Variants in PRKCE observed in about 807,000 individuals in gnomAD.
PRKCE encodes protein kinase C epsilon, also known as protein kinase C epsilon type.
A neutral mutation model predicts 85.4 loss-of-function variants in PRKCE; 16 were observed. That is an observed-to-expected ratio of 0.19 (90% CI 0.13 to 0.28). The LOEUF is 0.28. Ranked by LOEUF, PRKCE falls within the 10% of genes least tolerant of loss-of-function variation. The pLI, the probability that PRKCE is intolerant of heterozygous loss-of-function variation, is 1.00. For synonymous variants in PRKCE, 388 were observed against 371.5 expected, an observed-to-expected ratio of 1.04 and a Z score of -0.51; for missense variants, 573 against 975.2, an observed-to-expected ratio of 0.59 and a Z score of 5.49.
chr2:45,961,985 G>A (rs1173897074), intron 2 of PRKCE, among the ~76,000 whole-genome samples: 8 of 152,148 alleles, frequency 5.3e-5, no homozygotes, highest in Admixed American at 2.6e-4. Context: ...GTGAACCACC[G>A]CGCCCGGCTG....
chr2:45,662,858 T>C (rs1675736697), intron 1 of PRKCE, among the ~76,000 whole-genome samples: 2 of 118,146 alleles, frequency 1.7e-5, no homozygotes, highest in Admixed American at 1.9e-4. Context: ...AAGAGTACTC[T>C]GAAAACAAGC....
At chr2:45,889,265 C>T (rs970237627) in intron 2 of PRKCE, among the ~76,000 whole-genome samples, 7 of 151,878 alleles carry the variant, frequency 4.6e-5, no homozygotes, top group Non-Finnish European at 8.8e-5. Context: ...GTATGGAGGG[C>T]GGGAGAAAGC....
chr2:45,772,895 T>G (rs1040123986), intron 1 of PRKCE, among the ~76,000 whole-genome samples: 1 of 152,126 alleles, frequency 6.6e-6, no homozygotes, highest in African/African-American at 2.4e-5. Context: ...GACACCCTAT[T>G]GAGCCCCTGT....
chr2:45,958,190 C>CAAAAAAAAAA (rs60711691), intron 2 of PRKCE, among the ~76,000 whole-genome samples: 1 of 110,108 alleles, frequency 9.1e-6, no homozygotes, highest in Non-Finnish European at 1.8e-5. Flanking sequence ...ATTAGGCCCG[C>CAAAAAAAAAA]AAAAAAAAAA....
At chr2:45,973,021 A>C (rs1010215325) in intron 2 of PRKCE, among the ~76,000 whole-genome samples, 1 of 152,240 alleles carries the variant, frequency 6.6e-6, no homozygotes, top group African/African-American at 2.4e-5. Flanking sequence ...AAAATTCAGC[A>C]ATTAAAACAG....
rs1669652769 is a variant in PRKCE at position 46,086,508 on chromosome 2, T to G, written c.1592+146T>G. 2.4e-5 allele frequency: 22 copies of G among 908,434 alleles called. No individual in the cohort carries two copies. In the South Asian group the frequency reaches 3.1e-4, roughly 13 times the overall value. The allele number at this position is 908,434 out of a possible 1,614,324, so 56.3% of individuals were successfully genotyped here. Reference sequence around the variant, plus strand: ...TGTTCCAATTTGCTTACAGAAGACTTTTTTGGGGGCTGTTTATTCCTGTGA... The same window carrying G: ...TGTTCCAATTTGCTTACAGAAGACTGTTTTGGGGGCTGTTTATTCCTGTGA... On this transcript the variant is annotated intron_variant, in intron 11 of 14. Coordinates refer to ENST00000306156, the MANE Select transcript of PRKCE (RefSeq NM_005400.3).
At chr2:46,179,150 C>T (rs1218228013) in intron 14 of PRKCE, among the ~76,000 whole-genome samples, 1 of 152,158 alleles carries the variant, frequency 6.6e-6, no homozygotes, top group Non-Finnish European at 1.5e-5. Flanking sequence ...TAGCCCTATG[C>T]CCCAGCCTGT....
chr2:46,084,267 T>C (rs1427052580), intron 10 of PRKCE, among the ~76,000 whole-genome samples: 1 of 152,204 alleles, frequency 6.6e-6, no homozygotes. Flanking sequence ...GTAGTTTGAA[T>C]TAGTAACAAT....
intron 1 of PRKCE, among the ~76,000 whole-genome samples, chr2:45,714,969 C>T (rs531775630): frequency 1.3e-5 from 2 of 152,342 alleles, no homozygotes; most frequent in South Asian, 4.1e-4. Flanking sequence ...CACCTCTTGG[C>T]CTTCAGGTTT....
Position 46,151,213 on chromosome 2 carries a change from T to A in PRKCE, c.1904T>A (p.Val635Asp). The A allele has an allele frequency of 6.3e-7, 1 of 1,597,866 alleles. No homozygotes were observed. Among genetic ancestry groups the A allele is most frequent in the Non-Finnish European group, 8.5e-7 (1 of 1,178,732 alleles). Residue 635 changes from valine to aspartate, a missense_variant, in exon 13 of 15, where the codon GTC (valine) becomes GAC (aspartate). Coordinates refer to ENST00000306156, the MANE Select transcript of PRKCE (RefSeq NM_005400.3). ...LYPVWLSKEA[V>D]SILKAFMTKN... Reference sequence around the variant, plus strand: ...CCAGTCTGGCTCAGCAAGGAGGCTGTCAGCATCTTGAAAGCTGTGAGTCAC... The same window carrying A: ...CCAGTCTGGCTCAGCAAGGAGGCTGACAGCATCTTGAAAGCTGTGAGTCAC...
At chr2:46,171,142 T>G (rs1678852202) in intron 14 of PRKCE, among the ~76,000 whole-genome samples, 1 of 152,196 alleles carries the variant, frequency 6.6e-6, no homozygotes, top group South Asian at 2.1e-4. Flanking sequence ...CACATCCTGC[T>G]GCGGGGGGCC....
intron 2 of PRKCE, among the ~76,000 whole-genome samples, chr2:45,872,879 T>G (rs1273825249): frequency 6.6e-6 from 1 of 152,106 alleles, no homozygotes; most frequent in East Asian, 1.9e-4. Context: ...CAGATGTAAA[T>G]TGAGTCATGG....
rs144811271 is a variant in PRKCE at position 45,988,599 on chromosome 2, T to A, written c.823+3919T>A. Among the ~76,000 whole-genome samples, 17 of 152,250 alleles carry A rather than the reference T, an allele frequency of 1.1e-4. No individual in the cohort carries two copies. The East Asian group carries it at 3.1e-3, about 28-fold the overall frequency. Reference sequence around the variant, plus strand: ...TCACACGATCATTGGGTAACTGAGATCCTTAACCGAGGGCAGAAAAATGCT... The same window carrying A: ...TCACACGATCATTGGGTAACTGAGAACCTTAACCGAGGGCAGAAAAATGCT... On this transcript the variant is annotated intron_variant, in intron 6 of 14. Transcript: ENST00000306156.
At chr2:45,748,162 G>T (rs185670434) in intron 1 of PRKCE, among the ~76,000 whole-genome samples, 7 of 152,308 alleles carry the variant, frequency 4.6e-5, no homozygotes, top group Admixed American at 4.6e-4. Context: ...ACATCTGAAG[G>T]CAGGCATGTG....
At position 46,172,686 on chromosome 2, in the gene PRKCE, C is replaced by T. The variant is rs368550579; in HGVS notation, c.2068-12049C>T. Among the ~76,000 whole-genome samples, 32 of 152,320 alleles carry T rather than the reference C, an allele frequency of 2.1e-4. No individual in the cohort carries two copies. The East Asian group carries it at 3.5e-3, about 17-fold the overall frequency. ...GAGGCTTAGATACACAGTCTACATC[C>T]GGGGGAGTGTTCTCAGCCATTTTTA... On this transcript the variant is annotated intron_variant, in intron 14 of 14. Coordinates refer to ENST00000306156, the MANE Select transcript of PRKCE (RefSeq NM_005400.3).
At chr2:45,902,428 A>G (rs1696648615) in intron 2 of PRKCE, among the ~76,000 whole-genome samples, 1 of 152,238 alleles carries the variant, frequency 6.6e-6, no homozygotes, top group South Asian at 2.1e-4. Context: ...TATTGCCCAC[A>G]GGTAGCTCCA....
chr2:46,053,205 C>T (rs889173177), intron 10 of PRKCE, among the ~76,000 whole-genome samples: 1 of 152,190 alleles, frequency 6.6e-6, no homozygotes, highest in Non-Finnish European at 1.5e-5. Flanking sequence ...TTGGATTCCA[C>T]TAGACATTTG....
rs1010327297 is a variant in PRKCE at position 46,001,233 on chromosome 2, G to C, written c.824-171G>C. Among the ~76,000 whole-genome samples, 1 of 145,624 alleles carries C rather than the reference G, an allele frequency of 6.9e-6. No individual in the cohort carries two copies. The highest frequency in any genetic ancestry group is 2.6e-5 in the African/African-American group (1 of 38,132). ...GCAAGGTGGTTTAATGAATGATTTT[G>C]GTTTTGTATGATGGAAGACATATAT... On this transcript the variant is annotated intron_variant, in intron 6 of 14. Coordinates refer to ENST00000306156, the MANE Select transcript of PRKCE (RefSeq NM_005400.3). The surrounding 1 kb of genome is among the most constrained non-coding windows in gnomAD (Gnocchi z 4.4).
At chr2:46,061,346 A>T (rs1667102693) in intron 10 of PRKCE, among the ~76,000 whole-genome samples, 1 of 152,046 alleles carries the variant, frequency 6.6e-6, no homozygotes, top group Non-Finnish European at 1.5e-5. Flanking sequence ...CCTGGGCTCG[A>T]GCAATCTGCC....
Sources: allele counts gnomAD v4.1 joint callset (sites outside exome capture counted in the v4.1 genomes callset), GRCh38; gene constraint gnomAD v4.1.1; non-coding constraint Gnocchi (gnomAD v3.1); transcripts MANE v1.5; gene names NCBI Gene and HGNC (gene_info 2026-07-23, HGNC 2026-07-21).